The following TRPM3 variants were observed in gnomAD, a reference collection of about 807,000 sequenced individuals.
The protein encoded by TRPM3 is transient receptor potential cation channel subfamily M member 3.
TRPM3 carries 77 observed loss-of-function variants against 181.2 expected under a neutral mutation model. The ratio of observed to expected loss-of-function variants is 0.42; its 90% confidence interval spans 0.35 to 0.51. TRPM3 has a LOEUF of 0.51. Among genes scored for constraint, TRPM3 ranks in the 20% least tolerant of loss-of-function variants. TRPM3 has a pLI of 0.01. For synonymous variants in TRPM3, 745 were observed against 796.4 expected (o/e 0.94, Z 1.09); for missense variants, 1,759 against 2,196.7 (o/e 0.80, Z 3.98).
intron 1 of TRPM3, among the ~76,000 whole-genome samples, chr9:71,422,478 C>G (rs536096359): frequency 6.6e-6 from 1 of 152,024 alleles, no homozygotes; most frequent in African/African-American, 2.4e-5. Flanking sequence ...AAGAGTGATG[C>G]CCCCTTGACC....
chr9:70,969,374 A>G (rs1342020578), intron 1 of TRPM3, among the ~76,000 whole-genome samples: 1 of 152,054 alleles, frequency 6.6e-6, no homozygotes, highest in Non-Finnish European at 1.5e-5. Context: ...GTACACCTAC[A>G]TAATGAAACT....
At position 70,804,964 on chromosome 9, in the gene TRPM3, T is replaced by C. The variant is rs140268644; in HGVS notation, c.974-20685A>G. ...CATGCTGAACCTGAAGCTGCTGAAC[T>C]CTGCTGGCCAGTGATGCCAGCTGCA... On this transcript the variant is annotated intron_variant, in intron 6 of 25. Transcript: ENST00000677713. 4.0e-3 allele frequency among the ~76,000 whole-genome samples: 614 copies of C among 152,314 alleles called. 7 individuals carry two copies. The highest frequency in any genetic ancestry group is 0.014 in the African/African-American group (579 of 41,574).
rs2131537922 is a variant in TRPM3 at position 70,531,292 on chromosome 9, A to G, written c.*4661T>C. 6.6e-6 allele frequency: 1 copy of G among 152,356 alleles called. No individual in the cohort carries two copies. Among genetic ancestry groups the G allele is most frequent in the South Asian group, 2.1e-4 (1 of 4,824 alleles). 9.4% of individuals were successfully genotyped at this position (152,356 alleles called of 1,614,324 possible). Reference sequence around the variant, plus strand: ...TTCATATTATTTGTTCAGTGCTTAAAAAAAAGATTTAAAAATCCCTTGGTT... The same window carrying G: ...TTCATATTATTTGTTCAGTGCTTAAGAAAAAGATTTAAAAATCCCTTGGTT... On this transcript the variant is annotated 3_prime_UTR_variant, in exon 26 of 26. Transcript: ENST00000677713.
chr9:71,088,564 TC>T (rs993729993), intron 1 of TRPM3, among the ~76,000 whole-genome samples: 8 of 152,126 alleles, frequency 5.3e-5, no homozygotes, highest in African/African-American at 1.9e-4. Context: ...GGCTCTAGAC[TC>T]AAGCTAAATA....
chr9:71,230,076 T>C (rs986692643), intron 1 of TRPM3, among the ~76,000 whole-genome samples: 3 of 152,022 alleles, frequency 2.0e-5, no homozygotes, highest in Non-Finnish European at 2.9e-5. Context: ...CTATATACAA[T>C]GGAGTATTAT....
intron 5 of TRPM3, among the ~76,000 whole-genome samples, chr9:70,835,479 T>TCCTCTGCTTGG (rs1346638234): frequency 3.9e-5 from 6 of 151,954 alleles, no homozygotes; most frequent in Non-Finnish European, 7.4e-5. Context: ...CCACCCTGAG[T>TCCTCTGCTTGG]CCTCTGCTTG....
At chr9:71,107,850 C>A (rs2070075470) in intron 1 of TRPM3, among the ~76,000 whole-genome samples, 1 of 152,032 alleles carries the variant, frequency 6.6e-6, no homozygotes, top group African/African-American at 2.4e-5. Context: ...TTTTTTACCC[C>A]ATATTTAGTT....
At chr9:71,309,155 G>C (rs922633331) in intron 1 of TRPM3, among the ~76,000 whole-genome samples, 4 of 152,064 alleles carry the variant, frequency 2.6e-5, no homozygotes, top group African/African-American at 9.7e-5. Context: ...GTTGCTTCCA[G>C]ATTACTTATA....
chr9:71,070,067 C>A (rs2062532980), intron 1 of TRPM3, among the ~76,000 whole-genome samples: 2 of 152,166 alleles, frequency 1.3e-5, no homozygotes, highest in South Asian at 4.1e-4. Context: ...CCATGAAATT[C>A]TATTTCACTA....
intron 1 of TRPM3, among the ~76,000 whole-genome samples, chr9:71,047,621 C>T (rs2059587522): frequency 1.3e-5 from 2 of 152,290 alleles, no homozygotes; most frequent in East Asian, 3.9e-4. Flanking sequence ...ACATGTTGCT[C>T]ATTCTATTAT....
chr9:71,277,173 A>G (rs561636270), intron 1 of TRPM3, among the ~76,000 whole-genome samples: 1 of 152,350 alleles, frequency 6.6e-6, no homozygotes, highest in South Asian at 2.1e-4. Flanking sequence ...AGGGAATAAC[A>G]AACATGATAT....
At chr9:71,215,363 A>T (rs1024760703) in intron 1 of TRPM3, among the ~76,000 whole-genome samples, 1 of 152,192 alleles carries the variant, frequency 6.6e-6, no homozygotes, top group Non-Finnish European at 1.5e-5. Context: ...TGTAACAGGC[A>T]TTCCTGGTAG....
intron 1 of TRPM3, among the ~76,000 whole-genome samples, chr9:70,996,937 A>T (rs925226739): frequency 1.3e-5 from 2 of 152,192 alleles, no homozygotes; most frequent in African/African-American, 2.4e-5. Flanking sequence ...GCAAACTTCT[A>T]AACAAACATG....
chr9:70,930,941 A>G (rs992315167), intron 1 of TRPM3, among the ~76,000 whole-genome samples: 1 of 152,174 alleles, frequency 6.6e-6, no homozygotes, highest in East Asian at 1.9e-4. Context: ...CTGGAAAAAT[A>G]CAGATAAAAA....
rs2082052347 is a variant in TRPM3, at chr9:71,246,669, C to A, written c.183+199984G>T. The stretch of plus-strand genomic sequence containing the variant: ...TGGCATTCGCATACAATTTTATCAA[C>A]CTACTTTTAGGATATGAATAATAAC... On this transcript the variant is annotated intron_variant, in intron 1 of 24. Coordinates refer to the TRPM3 transcript ENST00000357533. Among the ~76,000 whole-genome samples the A allele has an allele frequency of 2.6e-5, 4 of 152,328 alleles. No individual in the cohort carries two copies. In the South Asian group the frequency reaches 8.3e-4, roughly 32 times the overall value.
intron 1 of TRPM3, among the ~76,000 whole-genome samples, chr9:71,065,276 A>C (rs906112323): frequency 1.3e-5 from 2 of 152,180 alleles, no homozygotes; most frequent in Non-Finnish European, 2.9e-5. Flanking sequence ...TTTCACGCTA[A>C]GTTATTAAAA....
At chr9:70,831,782 G>C (rs11142607) in intron 5 of TRPM3, among the ~76,000 whole-genome samples, 32,619 of 150,774 alleles carry the variant, frequency 0.22, 4,360 homozygotes, top group Non-Finnish European at 0.29. Context: ...CTATTTGATA[G>C]CACAATAGGA....
chr9:70,804,919 T>G (rs897711949), intron 6 of TRPM3, among the ~76,000 whole-genome samples: 1 of 152,196 alleles, frequency 6.6e-6, no homozygotes, highest in Admixed American at 6.5e-5. Context: ...TGACAGGGAC[T>G]GCTGTGAAGT....
At chr9:70,745,145 ATGT>A (rs2074928665) in intron 8 of TRPM3, among the ~76,000 whole-genome samples, 1 of 152,130 alleles carries the variant, frequency 6.6e-6, no homozygotes, top group East Asian at 1.9e-4. Flanking sequence ...TTTTTTGCAT[ATGT>A]TAACTCATTT....
Sources: allele counts gnomAD v4.1 joint callset (sites outside exome capture counted in the v4.1 genomes callset), GRCh38; gene constraint gnomAD v4.1.1; transcripts MANE v1.5; gene names NCBI Gene and HGNC (gene_info 2026-07-23, HGNC 2026-07-21).